The following HIVEP1 variants were observed in gnomAD, a reference collection of about 807,000 sequenced individuals.
HIVEP1 encodes HIVEP zinc finger 1.
A neutral mutation model predicts 180.0 loss-of-function variants in HIVEP1; 36 were observed. The ratio of observed to expected loss-of-function variants is 0.20; its 90% CI spans 0.15 to 0.26. HIVEP1 has a LOEUF of 0.26. Ranked by LOEUF, HIVEP1 falls within the 10% of genes least tolerant of loss-of-function variation. The pLI is 1.00. For missense variants in HIVEP1, 3,143 were observed against 3,268.7 expected (o/e 0.96, Z 0.94); for synonymous variants, 1,239 against 1,239.0 (o/e 1.00, Z 0.00).
At chr6:12,034,110 A>G (rs1399791575) in intron 2 of HIVEP1, among the ~76,000 whole-genome samples, 1 of 152,234 alleles carries the variant, frequency 6.6e-6, no homozygotes, top group East Asian at 1.9e-4. Flanking sequence ...ATAGAGCAGA[A>G]TTGCTGTAGT....
At position 12,133,011 on chromosome 6, in the gene HIVEP1, G is replaced by A. The variant is rs1300667641; in HGVS notation, c.6385+2069G>A. 2.0e-5 allele frequency among the ~76,000 whole-genome samples: 3 copies of A among 152,088 alleles called. No individual in the cohort carries two copies. In the East Asian group the frequency reaches 5.8e-4, roughly 29 times the overall value. On this transcript the variant is annotated intron_variant, in intron 6 of 8. Coordinates refer to ENST00000379388, the MANE Select transcript of HIVEP1 (RefSeq NM_002114.4). ...ATTTACTTGCTATACTAGCCAGTAG[G>A]ACTCCACTTATTATTGAAAGTGTCG...
chr6:12,069,005 A>C (rs547782675), intron 2 of HIVEP1, among the ~76,000 whole-genome samples: 1 of 152,228 alleles, frequency 6.6e-6, no homozygotes, highest in Non-Finnish European at 1.5e-5. Context: ...ATGTGTGCAC[A>C]TACACAAAAA....
chr6:12,106,044 A>G, intron 3 of HIVEP1, among the ~76,000 whole-genome samples: 1 of 151,750 alleles, frequency 6.6e-6, no homozygotes, highest in East Asian at 1.9e-4. Flanking sequence ...ATATACATAT[A>G]TATACACACA....
At chr6:12,167,379 A>G (rs1027921180), downstream of HIVEP1, among the ~76,000 whole-genome samples, 1 of 151,750 alleles carries the variant, frequency 6.6e-6, no homozygotes, top group Non-Finnish European at 1.5e-5. Context: ...ATAATACCAG[A>G]AAGATGATTT....
intron 3 of HIVEP1, among the ~76,000 whole-genome samples, chr6:12,102,145 T>G (rs1431623194): frequency 1.3e-5 from 2 of 152,056 alleles, no homozygotes; most frequent in African/African-American, 4.8e-5. Context: ...AATTCAACAA[T>G]AACAGTTGGA....
chr6:12,158,010 A>G (rs754628168), intron 7 of HIVEP1, among the ~76,000 whole-genome samples: 13 of 152,114 alleles, frequency 8.5e-5, no homozygotes, highest in Non-Finnish European at 1.5e-4. Context: ...CCCATCTGTT[A>G]TTGTCTACCT....
chr6:12,189,038 A>T, the HIVEP1 span, among the ~76,000 whole-genome samples: 1 of 152,104 alleles, frequency 6.6e-6, no homozygotes, highest in South Asian at 2.1e-4. Context: ...TTGAATGTAT[A>T]CTTTGTGTAT....
At chr6:12,211,915 A>G in the HIVEP1 span, among the ~76,000 whole-genome samples, 3 of 152,214 alleles carry the variant, frequency 2.0e-5, no homozygotes, top group African/African-American at 4.8e-5. Flanking sequence ...CCCTAAAAAA[A>G]ATTTTTTTTA....
At chr6:12,032,210 G>A (rs1253627747) in intron 2 of HIVEP1, among the ~76,000 whole-genome samples, 2 of 146,048 alleles carry the variant, frequency 1.4e-5, no homozygotes, top group Non-Finnish European at 3.0e-5. Flanking sequence ...GCGCGATTTC[G>A]GCTCACTGCA....
the HIVEP1 span, among the ~76,000 whole-genome samples, chr6:12,206,295 G>T: frequency 6.6e-6 from 1 of 151,952 alleles, no homozygotes; most frequent in Non-Finnish European, 1.5e-5. Context: ...CACCACACCT[G>T]GCTAATTTTT....
At chr6:12,093,833 T>G (rs919184419) in intron 3 of HIVEP1, among the ~76,000 whole-genome samples, 1 of 152,044 alleles carries the variant, frequency 6.6e-6, no homozygotes, top group African/African-American at 2.4e-5. Context: ...CTATATACAG[T>G]AGGGCAGATT....
At position 12,163,302 on chromosome 6, in the gene HIVEP1, T is replaced by C. The variant is rs1562017108; in HGVS notation, c.6998T>C (p.Leu2333Pro). The change falls in exon 9 of 9, where the codon CTT becomes CCT. Residue 2333 changes from leucine (L) to proline (P), a missense_variant. Transcript: ENST00000379388. ...AITQSPSSVR[L>P]PPAAAEHSPQ... Reference sequence around the variant, plus strand: ...ATTTAGAGCCCATCATCTGTAAGACTTCCTCCTGCTGCAGCTGAGCACAGC... The same window carrying C: ...ATTTAGAGCCCATCATCTGTAAGACCTCCTCCTGCTGCAGCTGAGCACAGC... 6.2e-7 allele frequency: 1 copy of C among 1,613,970 alleles called. No homozygotes were observed.
intron 3 of HIVEP1, among the ~76,000 whole-genome samples, chr6:12,098,045 T>C (rs1033122165): frequency 2.0e-5 from 3 of 152,204 alleles, no homozygotes; most frequent in African/African-American, 7.2e-5. Flanking sequence ...GCATATTTCA[T>C]TGACTTCAAA....
At chr6:12,129,094 TAGCTACTC>T (rs1295031884) in intron 4 of HIVEP1, among the ~76,000 whole-genome samples, 1 of 151,968 alleles carries the variant, frequency 6.6e-6, no homozygotes, top group Non-Finnish European at 1.5e-5. Context: ...CCTGTGGTCC[TAGCTACTC>T]AGGAGGCTGA....
intron 2 of HIVEP1, chr6:12,037,582 A>G (rs573543291): frequency 1.1e-5 from 4 of 377,606 alleles, no homozygotes; most frequent in South Asian, 1.5e-4. Flanking sequence ...GAGAGGTTGC[A>G]CTGGATATTA....
chr6:12,136,633 A>C (rs1042625761), intron 7 of HIVEP1, among the ~76,000 whole-genome samples: 1 of 152,368 alleles, frequency 6.6e-6, no homozygotes, highest in East Asian at 1.9e-4. Flanking sequence ...CACCAGAAGC[A>C]CTTAGCGCAG....
Position 12,124,867 on chromosome 6 carries a change from A to G in HIVEP1, c.5072A>G (p.Lys1691Arg). Residue 1691 changes from lysine to arginine, a missense_variant, in exon 4 of 9, where the codon AAA becomes AGA. This residue lies in a region of HIVEP1 where 1,357 missense variants were observed against 1,260.5 expected (regional missense o/e 1.08). Coordinates refer to ENST00000379388, the MANE Select transcript of HIVEP1 (RefSeq NM_002114.4). ...CAAAATTCTGTGCCAACATTACAAA[A>G]AGGTCATCAGAATGCTTTGCCAAAC... ...EEQNSVPTLQKGHQNALPNPE... is the reference protein window; with the variant it reads ...EEQNSVPTLQRGHQNALPNPE... 6.2e-7 allele frequency: 1 copy of G among 1,614,182 alleles called. No individual in the cohort carries two copies. The highest frequency in any genetic ancestry group is 8.5e-7 in the Non-Finnish European group (1 of 1,180,020).
chr6:12,026,321 C>T (rs144569048), intron 2 of HIVEP1, among the ~76,000 whole-genome samples: 21 of 152,250 alleles, frequency 1.4e-4, no homozygotes, highest in African/African-American at 5.1e-4. Context: ...GGAAATACCT[C>T]GCGGAGGAGT....
At chr6:12,198,042 G>A in the HIVEP1 span, among the ~76,000 whole-genome samples, 1 of 152,348 alleles carries the variant, frequency 6.6e-6, no homozygotes, top group African/African-American at 2.4e-5. Context: ...AGGTGACTAG[G>A]AGAATGCTAT....
Sources: gnomAD v4.1 joint callset for allele counts (sites outside exome capture counted in the v4.1 genomes callset) on GRCh38, gnomAD v4.1.1 for gene constraint, gnomAD v4.1.1 regional missense constraint, MANE v1.5 for transcripts, NCBI Gene and HGNC (gene_info 2026-07-23, HGNC 2026-07-21) for gene names.